The following RAP1GAP2 variants were observed in gnomAD, a reference collection of about 807,000 sequenced individuals.
The protein encoded by RAP1GAP2 is RAP1 GTPase activating protein 2, also known as rap1 GTPase-activating protein 2.
RAP1GAP2 carries 27 observed loss-of-function variants against 95.0 expected under a neutral mutation model. The ratio of observed to expected loss-of-function variants is 0.28; its 90% CI spans 0.21 to 0.39. The LOEUF is 0.39. RAP1GAP2 is among the 10% of genes least tolerant of loss of function. RAP1GAP2 has a pLI of 1.00. For synonymous variants in RAP1GAP2, 373 were observed against 380.9 expected, an observed-to-expected ratio of 0.98 and a Z score of 0.24; for missense variants, 771 against 970.0, an observed-to-expected ratio of 0.79 and a Z score of 2.72.
intron 1 of RAP1GAP2, among the ~76,000 whole-genome samples, chr17:2,769,820 C>T (rs2151433997): frequency 6.6e-6 from 1 of 152,172 alleles, no homozygotes; most frequent in Non-Finnish European, 1.5e-5. Flanking sequence ...CACCTGTAAT[C>T]CCAGGACTTT....
intron 8 of RAP1GAP2, among the ~76,000 whole-genome samples, chr17:2,973,241 C>T (rs934117537): frequency 4.6e-5 from 7 of 152,258 alleles, no homozygotes; most frequent in Admixed American, 2.6e-4. Context: ...TGGCGCCGGG[C>T]GTGGTGGCTC....
intron 2 of RAP1GAP2, among the ~76,000 whole-genome samples, chr17:2,894,767 A>ATTTTGCTCCCGAAATGCC (rs1410771551): frequency 3.0e-4 from 46 of 152,030 alleles, no homozygotes; most frequent in Admixed American, 6.6e-4. Context: ...AGTCCTCTTA[A>ATTTTGCTCCCGAAATGCC]TTTTGCTCCC....
intron 17 of RAP1GAP2, among the ~76,000 whole-genome samples, chr17:3,014,891 C>T (rs908411845): frequency 2.0e-5 from 3 of 152,200 alleles, no homozygotes; most frequent in Non-Finnish European, 4.4e-5. Context: ...TTAACTCATT[C>T]ATGGAACCTG....
At chr17:2,806,263 G>A (rs910571037) in intron 2 of RAP1GAP2, among the ~76,000 whole-genome samples, 4 of 152,066 alleles carry the variant, frequency 2.6e-5, no homozygotes, top group African/African-American at 7.2e-5. Context: ...GTGTGTCTCC[G>A]GGCAGCTTTC....
intron 17 of RAP1GAP2, among the ~76,000 whole-genome samples, chr17:3,015,124 G>A (rs971218102): frequency 6.6e-6 from 1 of 152,192 alleles, no homozygotes; most frequent in East Asian, 1.9e-4. Flanking sequence ...TGATGCTTGC[G>A]TGACGGGGTA....
At position 2,797,018 on chromosome 17, in the gene RAP1GAP2, T is replaced by G. The variant is rs990063897; in HGVS notation, c.44+447T>G. ...GTGTGTGCCTGTGCATGTGGGCAGC[T>G]GCCTGTCTGCACTTCTGGCCTTCTG... On this transcript the variant is annotated intron_variant, in intron 1 of 24. Coordinates refer to ENST00000254695, the MANE Select transcript of RAP1GAP2 (RefSeq NM_015085.5). The surrounding 1 kb of genome is among the most constrained non-coding windows in gnomAD (Gnocchi z 5.6). 7.2e-5 allele frequency among the ~76,000 whole-genome samples: 11 copies of G among 152,104 alleles called. No homozygotes were observed. Among genetic ancestry groups the G allele is most frequent in the Admixed American group, 5.9e-4 (9 of 15,266 alleles).
chr17:2,991,749 C>T (rs1318276246), intron 12 of RAP1GAP2, among the ~76,000 whole-genome samples: 1 of 152,088 alleles, frequency 6.6e-6, no homozygotes, highest in Non-Finnish European at 1.5e-5. Context: ...GGGAAATGAC[C>T]TATTTTATTT....
chr17:2,924,565 G>GGGAA (rs1291969934), intron 3 of RAP1GAP2, among the ~76,000 whole-genome samples: 1 of 151,684 alleles, frequency 6.6e-6, no homozygotes, highest in African/African-American at 2.4e-5. Flanking sequence ...GAGGGAAGGA[G>GGGAA]GGAAGGAAGG....
intron 12 of RAP1GAP2, among the ~76,000 whole-genome samples, chr17:2,993,353 C>G (rs969149503): frequency 6.6e-6 from 1 of 151,940 alleles, no homozygotes; most frequent in African/African-American, 2.4e-5. Context: ...GCGGGCAGAT[C>G]ACGAGGTCAG....
intron 2 of RAP1GAP2, among the ~76,000 whole-genome samples, chr17:2,841,202 T>C (rs2071359176): frequency 6.6e-6 from 1 of 151,816 alleles, no homozygotes; most frequent in Admixed American, 6.6e-5. Context: ...TTTATAATAT[T>C]AATTTATAAA....
chr17:2,878,041 G>A (rs2073155729), intron 2 of RAP1GAP2, among the ~76,000 whole-genome samples: 2 of 152,026 alleles, frequency 1.3e-5, no homozygotes, highest in South Asian at 4.1e-4. Context: ...TTAGAGCTGT[G>A]CTTAATACAC....
At chr17:2,798,859 CCTGT>C (rs569384196) in intron 1 of RAP1GAP2, among the ~76,000 whole-genome samples, 42 of 152,320 alleles carry the variant, frequency 2.8e-4, no homozygotes, top group South Asian at 1.7e-3. Context: ...GACCACGGTG[CCTGT>C]AGGTGGTGCG....
intron 22 of RAP1GAP2, among the ~76,000 whole-genome samples, chr17:3,030,653 G>C (rs2047263038): frequency 6.6e-6 from 1 of 152,226 alleles, no homozygotes; most frequent in African/African-American, 2.4e-5. Flanking sequence ...CGAATTTCAA[G>C]TATTTATTAC....
chr17:3,005,404 T>C lies in RAP1GAP2; in HGVS notation c.1236T>C (p.Phe412=), dbSNP rs747397404. The C allele has an allele frequency of 9.3e-6, 15 of 1,613,964 alleles. No homozygotes were observed. Among genetic ancestry groups the C allele is most frequent in the Non-Finnish European group, 1.2e-5 (14 of 1,179,850 alleles). The part of the protein sequence containing the change: ...SVTAREDVPT[F]GPPLPSPPVF... ...CTGCGCGGGAAGATGTGCCCACCTT[T>C]GGTCCACCTCTGCCCAGTCCCCCCG... The change falls in exon 15 of 25, where the codon TTT becomes TTC. Residue 412 remains phenylalanine, a synonymous_variant. Transcript: ENST00000254695. This position sits in a 1 kb window ranked among gnomAD's most constrained non-coding sequence, Gnocchi z 5.2.
Position 3,026,368 on chromosome 17 carries a change from G to A in RAP1GAP2, c.1884G>A (p.Lys628=). ...CCTGCAGGCCCTTCATGAAGTTGAAGGAAAACGGCCGTGCCATCTCCCGCT... is the reference window on the plus strand; with the variant it reads ...CCTGCAGGCCCTTCATGAAGTTGAAAGAAAACGGCCGTGCCATCTCCCGCT... The part of the protein sequence containing the change: ...PNKEKPFMKL[K]ENGRAISRSS... Residue 628 remains lysine (K), a synonymous_variant, in exon 21 of 25, where the codon AAG becomes AAA. Coordinates refer to ENST00000254695, the MANE Select transcript of RAP1GAP2 (RefSeq NM_015085.5). The A allele has an allele frequency of 6.4e-7, 1 of 1,551,854 alleles. No individual in the cohort carries two copies. The highest frequency in any genetic ancestry group is 8.7e-7 in the Non-Finnish European group (1 of 1,147,324).
intron 2 of RAP1GAP2, among the ~76,000 whole-genome samples, chr17:2,879,408 G>T (rs1055754410): frequency 6.6e-6 from 1 of 151,562 alleles, no homozygotes; most frequent in Non-Finnish European, 1.5e-5. Flanking sequence ...GAGCCACTGC[G>T]CCCGGCCACA....
intron 4 of RAP1GAP2, chr17:2,962,328 C>T: frequency 3.1e-6 from 1 of 318,940 alleles, no homozygotes; most frequent in Non-Finnish European, 5.8e-6. Flanking sequence ...CCTTCACCAC[C>T]ATAGTCGATG....
At chr17:3,007,309 A>C (rs1245611036) in intron 16 of RAP1GAP2, among the ~76,000 whole-genome samples, 1 of 152,204 alleles carries the variant, frequency 6.6e-6, no homozygotes, top group Non-Finnish European at 1.5e-5. Context: ...TTGCTCTGAC[A>C]GTGGTGTCAT....
intron 1 of RAP1GAP2, among the ~76,000 whole-genome samples, chr17:2,799,544 G>A (rs1254744093): frequency 2.0e-5 from 3 of 152,206 alleles, no homozygotes; most frequent in African/African-American, 7.2e-5. Context: ...GTGCCGGAAA[G>A]AGCCTCCAGG....
Sources: allele counts gnomAD v4.1 joint callset (sites outside exome capture counted in the v4.1 genomes callset), GRCh38; gene constraint gnomAD v4.1.1; non-coding constraint Gnocchi (gnomAD v3.1); transcripts MANE v1.5; gene names NCBI Gene and HGNC (gene_info 2026-07-23, HGNC 2026-07-21).